Variants in RBMS3 observed in about 807,000 individuals in gnomAD.
RBMS3 encodes RNA-binding motif, single-stranded-interacting protein 3.
A neutral mutation model predicts 66.8 loss-of-function variants in RBMS3; 27 were observed. The observed-to-expected ratio is 0.40, with a 90% CI of 0.30 to 0.56. The LOEUF (loss-of-function observed/expected upper bound fraction) is 0.56, where lower values mean the gene tolerates loss of function less well. Ranked by LOEUF, RBMS3 falls within the 20% of genes least tolerant of loss-of-function variation. The probability of loss-of-function intolerance (pLI) is 0.40; values close to 1 mark genes in which losing one functional copy is unlikely to be tolerated. For synonymous variants in RBMS3, 188 were observed against 183.0 expected (o/e 1.03, Z -0.22); for missense variants, 513 against 549.5 (o/e 0.93, Z 0.66).
chr3:29,723,485 G>A (rs1041190086), intron 4 of RBMS3, among the ~76,000 whole-genome samples: 5 of 152,134 alleles, frequency 3.3e-5, no homozygotes, highest in African/African-American at 1.2e-4. Flanking sequence ...TATCATATGT[G>A]TTAAAATCAT....
chr3:29,695,411 C>G (rs1281740277), intron 4 of RBMS3, among the ~76,000 whole-genome samples: 1 of 152,100 alleles, frequency 6.6e-6, no homozygotes, highest in Non-Finnish European at 1.5e-5. Flanking sequence ...TCACTGCGAA[C>G]TTCTTAGAAC....
At chr3:29,524,498 G>A (rs2045002881) in intron 3 of RBMS3, among the ~76,000 whole-genome samples, 1 of 139,592 alleles carries the variant, frequency 7.2e-6, no homozygotes. Flanking sequence ...TGCGATCTCG[G>A]TTTACCACAA....
At chr3:29,706,490 T>G (rs1323080705) in intron 4 of RBMS3, among the ~76,000 whole-genome samples, 1 of 152,016 alleles carries the variant, frequency 6.6e-6, no homozygotes, top group Non-Finnish European at 1.5e-5. Context: ...GAGCAGGAGG[T>G]GAAGAGGGGA....
chr3:29,712,190 G>T (rs1049215363), intron 4 of RBMS3, among the ~76,000 whole-genome samples: 1 of 152,108 alleles, frequency 6.6e-6, no homozygotes, highest in Non-Finnish European at 1.5e-5. Context: ...GATGATTTTA[G>T]ATCTCACCTT....
At chr3:29,677,185 T>C (rs1424100949) in intron 4 of RBMS3, among the ~76,000 whole-genome samples, 1 of 152,072 alleles carries the variant, frequency 6.6e-6, no homozygotes, top group East Asian at 1.9e-4. Flanking sequence ...CATAATCCAA[T>C]CACCTCCCAC....
chr3:29,835,642 A>G (rs967977185), intron 6 of RBMS3, among the ~76,000 whole-genome samples: 1 of 151,984 alleles, frequency 6.6e-6, no homozygotes, highest in African/African-American at 2.4e-5. Flanking sequence ...CTAAGGGAAA[A>G]GTTTAGAGTG....
At chr3:29,597,267 A>G (rs1418828862) in intron 4 of RBMS3, among the ~76,000 whole-genome samples, 1 of 152,176 alleles carries the variant, frequency 6.6e-6, no homozygotes, top group Non-Finnish European at 1.5e-5. Flanking sequence ...AACATGTTTG[A>G]TAGTTCCTCA....
intron 4 of RBMS3, among the ~76,000 whole-genome samples, chr3:29,607,823 T>C (rs1206868744): frequency 1.3e-5 from 2 of 152,012 alleles, no homozygotes; most frequent in Admixed American, 1.3e-4. Context: ...GTTTTCACTA[T>C]CTTGATCATA....
chr3:29,319,551 C>G (rs2034888782), intron 1 of RBMS3, among the ~76,000 whole-genome samples: 1 of 151,972 alleles, frequency 6.6e-6, no homozygotes, highest in Admixed American at 6.6e-5. Flanking sequence ...GGGCCAGGCA[C>G]TGTGCTGGAT....
chr3:29,613,031 G>A (rs1414887458), intron 4 of RBMS3, among the ~76,000 whole-genome samples: 3 of 152,102 alleles, frequency 2.0e-5, no homozygotes, highest in Non-Finnish European at 4.4e-5. Flanking sequence ...CACCAGGGCT[G>A]CATTCGTGTG....
intron 6 of RBMS3, among the ~76,000 whole-genome samples, chr3:29,810,789 C>T (rs555979424): frequency 3.6e-4 from 55 of 152,218 alleles, no homozygotes; most frequent in Non-Finnish European, 1.3e-4. Context: ...TTCCAAGTAA[C>T]AGGTTCATGA....
chr3:29,591,356 C>G (rs1011065349), intron 4 of RBMS3, among the ~76,000 whole-genome samples: 11 of 152,100 alleles, frequency 7.2e-5, no homozygotes, highest in Non-Finnish European at 1.3e-4. Flanking sequence ...TGTCTGAATT[C>G]CCGCAATGTA....
chr3:29,773,363 T>A (rs2056290894), intron 6 of RBMS3, among the ~76,000 whole-genome samples: 1 of 152,058 alleles, frequency 6.6e-6, no homozygotes, highest in South Asian at 2.1e-4. Context: ...AAAATAATTT[T>A]AAAAATTAAG....
At chr3:29,602,436 G>T (rs1019649528) in intron 4 of RBMS3, among the ~76,000 whole-genome samples, 1 of 152,002 alleles carries the variant, frequency 6.6e-6, no homozygotes, top group African/African-American at 2.4e-5. Flanking sequence ...CCAGCCAAAT[G>T]ATTTGTTTAA....
chr3:29,528,719 T>G (rs2045233926), intron 3 of RBMS3, among the ~76,000 whole-genome samples: 1 of 152,112 alleles, frequency 6.6e-6, no homozygotes, highest in African/African-American at 2.4e-5. Context: ...TCTGAAAAAT[T>G]TAAAAATTGC....
chr3:29,625,448 C>A (rs2049024272), intron 4 of RBMS3, among the ~76,000 whole-genome samples: 1 of 152,090 alleles, frequency 6.6e-6, no homozygotes, highest in East Asian at 1.9e-4. Context: ...AATCCCAGAA[C>A]TTTGGGAGGC....
chr3:29,994,992 T>G (rs1699123994), intron 14 of RBMS3, among the ~76,000 whole-genome samples: 1 of 152,140 alleles, frequency 6.6e-6, no homozygotes, highest in South Asian at 2.1e-4. Context: ...GGGAGGACAT[T>G]CAAACCAAAG....
chr3:29,693,825 T>A (rs1230306675), intron 4 of RBMS3, among the ~76,000 whole-genome samples: 1 of 152,208 alleles, frequency 6.6e-6, no homozygotes, highest in East Asian at 1.9e-4. Context: ...AACTTTGAAT[T>A]CTCTATCTTT....
intron 1 of RBMS3, among the ~76,000 whole-genome samples, chr3:29,383,139 T>A (rs1278617745): frequency 1.3e-5 from 2 of 152,206 alleles, no homozygotes; most frequent in African/African-American, 4.8e-5. Flanking sequence ...AAAATAACAA[T>A]GCCTTTTATT....
Sources: allele counts gnomAD v4.1 joint callset (sites outside exome capture counted in the v4.1 genomes callset), GRCh38; gene constraint gnomAD v4.1.1; transcripts MANE v1.5; gene names NCBI Gene and HGNC (gene_info 2026-07-23, HGNC 2026-07-21).